Variants in MSN observed in about 807,000 individuals in gnomAD.
MSN encodes the protein epididymis luminal protein 70.
MSN carries 2 observed loss-of-function variants against 48.0 expected under a neutral mutation model. The observed-to-expected ratio is 0.04, with a 90% CI of 0.02 to 0.13. The LOEUF (loss-of-function observed/expected upper bound fraction) is 0.13. Among genes scored for constraint, MSN ranks in the 10% least tolerant of loss-of-function variants. MSN has a pLI of 1.00. For synonymous variants in MSN, 146 were observed against 166.9 expected, an observed-to-expected ratio of 0.87 and a Z score of 0.97; for missense variants, 267 against 470.1, an observed-to-expected ratio of 0.57 and a Z score of 3.99.
chrX:65,698,007 A>G (rs745492632), intron 1 of MSN, among the ~76,000 whole-genome samples: 1 of 111,507 alleles, frequency 9.0e-6, no homozygotes, highest in Admixed American at 9.5e-5. Flanking sequence ...AGCCTCCTCT[A>G]TGGAGGGGAG....
upstream of MSN, among the ~76,000 whole-genome samples, chrX:65,664,499 G>T (rs1040113234): frequency 9.0e-6 from 1 of 111,514 alleles, no homozygotes; most frequent in African/African-American, 3.3e-5. Flanking sequence ...CTTCTTAACT[G>T]AGCTCTTTGT....
intron 1 of MSN, among the ~76,000 whole-genome samples, chrX:65,620,592 A>G (rs2070431748): frequency 8.9e-6 from 1 of 112,491 alleles, no homozygotes; most frequent in Non-Finnish European, 1.9e-5. Flanking sequence ...ACACCCACTG[A>G]CCTGCGCCCA....
chrX:65,655,508 T>C (rs2070774475), intron 1 of MSN, among the ~76,000 whole-genome samples: 1 of 112,365 alleles, frequency 8.9e-6, no homozygotes, highest in South Asian at 3.7e-4. Flanking sequence ...TGGGGTCATG[T>C]AACCTTTGTC....
intron 1 of MSN, among the ~76,000 whole-genome samples, chrX:65,619,811 G>A (rs1178173410): frequency 9.2e-6 from 1 of 108,693 alleles, no homozygotes; most frequent in Admixed American, 9.6e-5. Flanking sequence ...CAGTTCTTCT[G>A]TTCCGTTTTT....
Position 65,588,957 on chromosome X carries a change from G to T in MSN, c.-22+345G>T, listed in dbSNP as rs191639079. On this transcript the variant is annotated intron_variant, in intron 1 of 3. Coordinates refer to the MSN transcript ENST00000609672. The stretch of plus-strand genomic sequence containing the variant: ...GAGACTCACAGAGGCTGCTAGTGCC[G>T]ATGCTGCTGGTGCTGCTGCTGAGGA... 1.9e-3 allele frequency: 261 copies of T among 137,585 alleles called. 3 individuals carry two copies. The Admixed American group carries it at 0.022, about 12-fold the overall frequency. The allele number at this position is 137,585 out of a possible 1,213,427, so 11.3% of individuals were successfully genotyped here.
chrX:65,712,931 G>A (rs1395400781), intron 1 of MSN, among the ~76,000 whole-genome samples: 1 of 111,058 alleles, frequency 9.0e-6, no homozygotes, highest in Admixed American at 9.6e-5. Flanking sequence ...ATTTAGACCT[G>A]GATTCAAACC....
intron 1 of MSN, among the ~76,000 whole-genome samples, chrX:65,647,208 A>ATC (rs1296191245): frequency 2.8e-5 from 3 of 106,330 alleles, no homozygotes; most frequent in African/African-American, 1.0e-4. Context: ...AGTTTGCTCT[A>ATC]TCTCTTTTTT....
At chrX:65,660,867 G>A (rs1411241597) in intron 1 of MSN, among the ~76,000 whole-genome samples, 3 of 112,299 alleles carry the variant, frequency 2.7e-5, no homozygotes, top group Non-Finnish European at 5.6e-5. Flanking sequence ...GCCCAGCCAA[G>A]TCTTGTTCCA....
chrX:65,601,681 G>A (rs1270361906), intron 1 of MSN, among the ~76,000 whole-genome samples: 1 of 112,712 alleles, frequency 8.9e-6, no homozygotes. Context: ...AGGTTGACAG[G>A]CTGGGCTGAA....
At chrX:65,706,521 C>G (rs775247071) in intron 1 of MSN, among the ~76,000 whole-genome samples, 1 of 112,067 alleles carries the variant, frequency 8.9e-6, no homozygotes, top group African/African-American at 3.2e-5. Context: ...ACTGGGCTGA[C>G]TCACAACCTC....
chrX:65,623,368 C>CTTTTTTTTTTTTTTT (rs773663630), intron 1 of MSN, among the ~76,000 whole-genome samples: 2 of 74,169 alleles, frequency 2.7e-5, no homozygotes, highest in Non-Finnish European at 5.5e-5. Context: ...TCTTTCTTTT[C>CTTTTTTTTTTTTTTT]TTTTTTTTTT....
intron 7 of MSN, 63 bp downstream of exon 7, chrX:65,733,343 T>A (rs2071642314): frequency 1.1e-6 from 1 of 901,194 alleles, no homozygotes; most frequent in South Asian, 2.1e-5. Context: ...TGAGCAATCA[T>A]GCTATTCTAT....
chrX:65,626,974 C>T (rs2070512033), intron 1 of MSN, among the ~76,000 whole-genome samples: 1 of 111,830 alleles, frequency 8.9e-6, no homozygotes, highest in Non-Finnish European at 1.9e-5. Flanking sequence ...ACTGCCACTA[C>T]ACCCTGGAGG....
At chrX:65,737,988 CT>C (rs2071695238) in intron 10 of MSN, among the ~76,000 whole-genome samples, 1 of 112,282 alleles carries the variant, frequency 8.9e-6, no homozygotes, top group Non-Finnish European at 1.9e-5. Flanking sequence ...TTCCTTTGTA[CT>C]GTTGGAGGTG....
chrX:65,741,386 A>C lies in MSN; in HGVS notation c.*1493A>C, dbSNP rs1058262. ...GGGGCAGGATGATTTTGGCCTCATT[A>C]CTTTACCACCCCCACACCTGGAAAG... On this transcript the variant is annotated 3_prime_UTR_variant, in exon 13 of 13. Coordinates refer to ENST00000360270, the MANE Select transcript of MSN (RefSeq NM_002444.3). 0.18 allele frequency: 29,650 copies of C among 166,947 alleles called. 8,554 individuals are homozygous for C. Among genetic ancestry groups the C allele is most frequent in the African/African-American group, 0.83 (27,203 of 32,795 alleles). 13.8% of individuals were successfully genotyped at this position (166,947 alleles called of 1,213,427 possible). A position where few individuals can be genotyped will look rare whatever the true frequency, so the allele number is the denominator to read the frequency against.
rs2070552598 is a variant in MSN at position 65,631,003 on chromosome X, T to G, written c.-22+42391T>G. Among the ~76,000 whole-genome samples, 5 of 111,521 alleles carry G rather than the reference T, an allele frequency of 4.5e-5. No homozygotes were observed. The Admixed American group carries it at 4.8e-4, about 11-fold the overall frequency. ...AACCAGGATATTGACATCGATATAG[T>G]CAAGATGCAGAACATTTTCACTACC... On this transcript the variant is annotated intron_variant, in intron 1 of 3. Coordinates refer to the MSN transcript ENST00000609672.
At chrX:65,593,782 A>G (rs1018005710) in intron 1 of MSN, among the ~76,000 whole-genome samples, 4 of 112,518 alleles carry the variant, frequency 3.6e-5, no homozygotes, top group African/African-American at 1.3e-4. Context: ...ACCTCAGGTG[A>G]TCCACCTGCC....
intron 1 of MSN, among the ~76,000 whole-genome samples, chrX:65,622,714 G>A (rs1168766045): frequency 4.6e-5 from 5 of 109,218 alleles, no homozygotes; most frequent in Non-Finnish European, 7.6e-5. Flanking sequence ...ACAGGGTTTT[G>A]CTATGTTGGC....
At chrX:65,649,584 A>ATT in intron 1 of MSN, among the ~76,000 whole-genome samples, 2 of 98,848 alleles carry the variant, frequency 2.0e-5, no homozygotes, top group African/African-American at 3.9e-5. Context: ...TCAAAAAAAA[A>ATT]AAAAATATAT....
Sources: gnomAD v4.1 joint callset for allele counts (sites outside exome capture counted in the v4.1 genomes callset) on GRCh38, gnomAD v4.1.1 for gene constraint, MANE v1.5 for transcripts, NCBI Gene and HGNC (gene_info 2026-07-23, HGNC 2026-07-21) for gene names.